CEP63: variants seen among roughly 807,000 people sequenced by gnomAD.
CEP63 encodes centrosomal protein of 63 kDa.
CEP63 carries 84 observed loss-of-function variants against 89.1 expected under a neutral mutation model. That is an observed-to-expected ratio of 0.94 (90% CI 0.79 to 1.13). CEP63 has a LOEUF of 1.13. CEP63 is among the 50% of genes most tolerant of loss of function. The pLI is 0.00. For synonymous variants in CEP63, 267 were observed against 272.5 expected, an observed-to-expected ratio of 0.98 and a Z score of 0.20; for missense variants, 838 against 813.3, an observed-to-expected ratio of 1.03 and a Z score of -0.37.
the CEP63 span, among the ~76,000 whole-genome samples, chr3:134,767,558 A>G: frequency 6.6e-6 from 1 of 152,106 alleles, no homozygotes. Flanking sequence ...GCCATTTTAA[A>G]ATTCTGAATA....
chr3:134,774,293 G>T, the CEP63 span, among the ~76,000 whole-genome samples: 1 of 152,274 alleles, frequency 6.6e-6, no homozygotes, highest in Non-Finnish European at 1.5e-5. Context: ...ACACAGCCAA[G>T]AAACAATACA....
chr3:134,621,673 A>G, the CEP63 span, among the ~76,000 whole-genome samples: 1 of 152,354 alleles, frequency 6.6e-6, no homozygotes, highest in Admixed American at 6.5e-5. Flanking sequence ...ATTCTTAGAT[A>G]TGGCACCAAA....
chr3:134,528,083 C>T (rs185591022), intron 3 of CEP63, among the ~76,000 whole-genome samples: 19 of 152,164 alleles, frequency 1.2e-4, no homozygotes, highest in Admixed American at 3.3e-4. Context: ...TCCAGAGGCC[C>T]GTGGCAAGAG....
the CEP63 span, among the ~76,000 whole-genome samples, chr3:134,628,603 T>A: frequency 2.6e-5 from 4 of 152,152 alleles, no homozygotes; most frequent in Non-Finnish European, 4.4e-5. Context: ...CACACCTACA[T>A]TTTTTTCCCA....
At chr3:134,763,442 C>T in the CEP63 span, among the ~76,000 whole-genome samples, 12 of 152,140 alleles carry the variant, frequency 7.9e-5, no homozygotes, top group Non-Finnish European at 7.3e-5. Context: ...ATTCAGGACA[C>T]GCCAGCACTA....
At chr3:134,527,239 G>A (rs1432501832) in intron 3 of CEP63, among the ~76,000 whole-genome samples, 1 of 152,202 alleles carries the variant, frequency 6.6e-6, no homozygotes, top group Non-Finnish European at 1.5e-5. Context: ...GACCCCTGCT[G>A]GCGACTGTGC....
chr3:134,604,308 C>T, the CEP63 span: 2 of 1,613,846 alleles, frequency 1.2e-6, no homozygotes, highest in Non-Finnish European at 1.7e-6. Context: ...CGGAGTTGCC[C>T]TTGGCAAAGA....
chr3:134,639,382 C>G, the CEP63 span, among the ~76,000 whole-genome samples: 1 of 152,198 alleles, frequency 6.6e-6, no homozygotes, highest in Non-Finnish European at 1.5e-5. Context: ...TGTTCCAGAG[C>G]TCAGGGCTGT....
chr3:134,598,980 A>G, the CEP63 span, among the ~76,000 whole-genome samples: 1 of 152,342 alleles, frequency 6.6e-6, no homozygotes, highest in East Asian at 1.9e-4. Flanking sequence ...CCTTGCCCTC[A>G]GGCAAGAGAG....
chr3:134,616,754 C>T, the CEP63 span, among the ~76,000 whole-genome samples: 1 of 152,202 alleles, frequency 6.6e-6, no homozygotes, highest in Non-Finnish European at 1.5e-5. Context: ...TGTCAATTTT[C>T]TGAATCTATG....
the CEP63 span, among the ~76,000 whole-genome samples, chr3:134,630,139 C>T: frequency 2.6e-5 from 4 of 152,234 alleles, no homozygotes; most frequent in Admixed American, 1.3e-4. Flanking sequence ...AAAAAGAGCA[C>T]ACAAGAGAAA....
chr3:134,748,230 C>T, the CEP63 span, among the ~76,000 whole-genome samples: 1 of 152,104 alleles, frequency 6.6e-6, no homozygotes, highest in Non-Finnish European at 1.5e-5. Flanking sequence ...TCTGTCTTGC[C>T]TTCACCAAAT....
chr3:134,551,807 GTA>G (rs377453758), intron 11 of CEP63, 117 bp from the exon 12 acceptor site: 37 of 310,534 alleles, frequency 1.2e-4, no homozygotes, highest in Non-Finnish European at 1.7e-4. Context: ...ATATGTATAT[GTA>G]TATATATATA....
chr3:134,610,409 A>C, the CEP63 span: 1 of 1,594,402 alleles, frequency 6.3e-7, no homozygotes, highest in Non-Finnish European at 8.6e-7. Context: ...GGGGTCTGAG[A>C]GGGGGATCCC....
chr3:134,773,130 C>T, the CEP63 span, among the ~76,000 whole-genome samples: 1 of 152,222 alleles, frequency 6.6e-6, no homozygotes. Flanking sequence ...GGGCAGAGAT[C>T]ACAGGCTGGC....
the CEP63 span, among the ~76,000 whole-genome samples, chr3:134,686,663 G>T: frequency 2.0e-5 from 3 of 152,246 alleles, no homozygotes; most frequent in East Asian, 5.8e-4. Context: ...CTCAGGGAAA[G>T]GTCACAAAGA....
chr3:134,551,924 A>G lies in CEP63; in HGVS notation c.1381-2A>G. ...TATTTTTTTCTGTTTTCCCCTTTTCAGGAGATTTTGGATCAGCTGGAGTCA... is the reference window on the plus strand; with the variant it reads ...TATTTTTTTCTGTTTTCCCCTTTTCGGGAGATTTTGGATCAGCTGGAGTCA... On this transcript the variant is annotated splice_acceptor_variant, in intron 11 of 14. Coordinates refer to ENST00000675561, the MANE Select transcript of CEP63 (RefSeq NM_001353108.3). LOFTEE classifies it high-confidence loss of function. The G allele has an allele frequency of 6.3e-7, 1 of 1,598,680 alleles. No homozygotes were observed. The highest frequency in any genetic ancestry group is 8.6e-7 in the Non-Finnish European group (1 of 1,169,248).
the CEP63 span, among the ~76,000 whole-genome samples, chr3:134,734,255 T>C: frequency 6.6e-6 from 1 of 151,964 alleles, no homozygotes; most frequent in Admixed American, 6.6e-5. Context: ...TGGTTAAACA[T>C]ACTGTGGTAC....
At chr3:134,565,823 T>C (rs753224806), downstream of CEP63, among the ~76,000 whole-genome samples, 5 of 152,038 alleles carry the variant, frequency 3.3e-5, no homozygotes, top group African/African-American at 4.8e-5. Flanking sequence ...AGATTTTTTT[T>C]GTGTGTTTGA....
Sources: gnomAD v4.1 joint callset for allele counts (sites outside exome capture counted in the v4.1 genomes callset) on GRCh38, gnomAD v4.1.1 for gene constraint, MANE v1.5 for transcripts, NCBI Gene and HGNC (gene_info 2026-07-23, HGNC 2026-07-21) for gene names.